NKIRAS1: variants seen among roughly 807,000 people sequenced by gnomAD.
NKIRAS1 encodes NFKB inhibitor interacting Ras like 1.
Under a neutral mutation model 19.8 loss-of-function variants are expected in NKIRAS1, and 16 were observed. The ratio of observed to expected loss-of-function variants is 0.81; its 90% CI spans 0.55 to 1.23. NKIRAS1 has a LOEUF of 1.23. Ranked by LOEUF, NKIRAS1 falls within the 50% of genes most tolerant of loss-of-function variation. NKIRAS1 has a pLI of 0.00. For synonymous variants in NKIRAS1, 88 were observed against 79.0 expected (o/e 1.11, Z -0.61); for missense variants, 184 against 220.0 (o/e 0.84, Z 1.04).
At chr3:23,945,665 GGC>G in intron 1 of NKIRAS1, 1 of 1,042,684 alleles carries the variant, frequency 9.6e-7, no homozygotes, top group Non-Finnish European at 1.2e-6. Context: ...CACTTTGGGG[GGC>G]GGCGGCAGGG....
At position 23,897,971 on chromosome 3, in the gene NKIRAS1, T is replaced by C. The variant is rs557171314; in HGVS notation, c.336+2837A>G. Among the ~76,000 whole-genome samples, 287 of 152,254 alleles carry C rather than the reference T, an allele frequency of 1.9e-3. 1 individual carries two copies. The highest frequency in any genetic ancestry group is 6.5e-3 in the African/African-American group (270 of 41,552). The stretch of plus-strand genomic sequence containing the variant: ...TACGATTATGGGGATTGAAGAAGCA[T>C]ATGAGGAAGTTACTATTATTCTCCT... On this transcript the variant is annotated intron_variant, in intron 4 of 4. Transcript: ENST00000425478.
chr3:23,901,565 T>A (rs986196392), intron 3 of NKIRAS1, among the ~76,000 whole-genome samples: 1 of 152,196 alleles, frequency 6.6e-6, no homozygotes, highest in Non-Finnish European at 1.5e-5. Context: ...AAAAATGCAT[T>A]TTACCACTTT....
intron 4 of NKIRAS1, among the ~76,000 whole-genome samples, chr3:23,894,464 T>C (rs1559500646): frequency 1.3e-5 from 2 of 152,114 alleles, no homozygotes; most frequent in African/African-American, 4.8e-5. Flanking sequence ...AATCACATAC[T>C]CTATCTCATC....
intron 1 of NKIRAS1, among the ~76,000 whole-genome samples, chr3:23,929,009 A>C (rs544922147): frequency 6.9e-6 from 1 of 145,652 alleles, no homozygotes. Context: ...TAAAAAAAAA[A>C]AAAAGAAAAG....
intron 3 of NKIRAS1, among the ~76,000 whole-genome samples, chr3:23,906,423 ACTATACTG>A (rs1364543525): frequency 6.6e-6 from 1 of 152,200 alleles, no homozygotes; most frequent in African/African-American, 2.4e-5. Flanking sequence ...ATCACAGTAT[ACTATACTG>A]CTCTGCTGAG....
chr3:23,920,765 AAAG>A, upstream of NKIRAS1: 1 of 971,244 alleles, frequency 1.0e-6, no homozygotes, highest in Non-Finnish European at 1.2e-6. Context: ...CTTCACAAAA[AAAG>A]AAAAGATCTT....
At chr3:23,919,267 C>T (rs151218632), upstream of NKIRAS1, 30 of 1,612,460 alleles carry the variant, frequency 1.9e-5, no homozygotes, top group African/African-American at 4.0e-4. Flanking sequence ...ATTCCACATA[C>T]AAATTTTTTG....
Position 23,927,816 on chromosome 3 carries a change from T to C in NKIRAS1, c.-139-16366A>G, listed in dbSNP as rs1481307547. ...ATCCAAGGCTGGGCATGGTGGCTCA[T>C]ACCTGTAATCCTAGAAATTTGGGAG... is the stretch of plus-strand genomic sequence containing the variant. On this transcript the variant is annotated intron_variant, in intron 1 of 4. Coordinates refer to the NKIRAS1 transcript ENST00000421515. This position sits in a 1 kb window ranked among gnomAD's most constrained non-coding sequence, Gnocchi z 4.0. 6.6e-6 allele frequency among the ~76,000 whole-genome samples: 1 copy of C among 152,024 alleles called. No homozygotes were observed. Among genetic ancestry groups the C allele is most frequent in the African/African-American group, 2.4e-5 (1 of 41,386 alleles).
intron 1 of NKIRAS1, among the ~76,000 whole-genome samples, chr3:23,928,072 C>A (rs1242913786): frequency 6.8e-6 from 1 of 147,052 alleles, no homozygotes; most frequent in Non-Finnish European, 1.5e-5. Context: ...AAACAAGACA[C>A]ACTCTCTCTC....
intron 1 of NKIRAS1, among the ~76,000 whole-genome samples, chr3:23,940,577 G>A (rs540404668): frequency 4.9e-4 from 75 of 152,030 alleles, no homozygotes; most frequent in Non-Finnish European, 9.4e-4. Flanking sequence ...TGTTTTCTAT[G>A]CACAGATGTA....
chr3:23,893,900 T>C (rs533508189), intron 4 of NKIRAS1, among the ~76,000 whole-genome samples: 6 of 151,266 alleles, frequency 4.0e-5, no homozygotes, highest in Middle Eastern at 3.4e-3. Flanking sequence ...ACTTGGGAAA[T>C]TGGCATCTAG....
At chr3:23,893,622 CA>C (rs2125346162) in intron 4 of NKIRAS1, among the ~76,000 whole-genome samples, 1 of 152,084 alleles carries the variant, frequency 6.6e-6, no homozygotes, top group African/African-American at 2.4e-5. Context: ...CCCTGGCCAA[CA>C]CGGTGAAACC....
At chr3:23,918,993 G>C (rs530973975), upstream of NKIRAS1, 4 of 596,614 alleles carry the variant, frequency 6.7e-6, no homozygotes, top group Non-Finnish European at 1.2e-5. Flanking sequence ...GGAATGATGT[G>C]TTTCAGTCTA....
At chr3:23,920,368 T>G, upstream of NKIRAS1, 1 of 985,490 alleles carries the variant, frequency 1.0e-6, no homozygotes, top group African/African-American at 1.7e-5. Context: ...ACAGAAAAAG[T>G]CACAAGCGCA....
intron 1 of NKIRAS1, among the ~76,000 whole-genome samples, chr3:23,914,017 G>C (rs1302852744): frequency 1.3e-5 from 2 of 152,182 alleles, no homozygotes; most frequent in Admixed American, 6.5e-5. Flanking sequence ...AATTCAATCT[G>C]TGACCTATTA....
intron 4 of NKIRAS1, among the ~76,000 whole-genome samples, chr3:23,895,927 G>T (rs1228533710): frequency 6.6e-6 from 1 of 152,030 alleles, no homozygotes; most frequent in Non-Finnish European, 1.5e-5. Context: ...GAGGTCAGGA[G>T]ATTGAGACCA....
intron 1 of NKIRAS1, among the ~76,000 whole-genome samples, chr3:23,941,991 AT>A (rs955806255): frequency 1.1e-3 from 96 of 83,796 alleles, no homozygotes; most frequent in African/African-American, 3.7e-3. Flanking sequence ...TTATTTATTT[AT>A]TTTTGAGACA....
In NKIRAS1 at chr3:23,890,661, TGATTTTG is replaced by T; in HGVS notation, c.*2427_*2433del. ...GTCTGTCACAGAAGAGAGCTGCTTA[TGATTTTG>T]AAGGGGTCAGGGAGGGTGGGAGTTG... On this transcript the variant is annotated 3_prime_UTR_variant, in exon 5 of 5. Transcript: ENST00000425478. 6.4e-7 allele frequency: 1 copy of T among 1,550,776 alleles called. No individual in the cohort carries two copies. Among genetic ancestry groups the T allele is most frequent in the Non-Finnish European group, 8.8e-7 (1 of 1,131,646 alleles).
intron 1 of NKIRAS1, among the ~76,000 whole-genome samples, chr3:23,931,152 T>C (rs2125266627): frequency 6.6e-6 from 1 of 152,342 alleles, no homozygotes; most frequent in East Asian, 1.9e-4. Context: ...TCTAATACCG[T>C]AAACAGTGTT....
Sources: gnomAD v4.1 joint callset for allele counts (sites outside exome capture counted in the v4.1 genomes callset) on GRCh38, gnomAD v4.1.1 for gene constraint, Gnocchi (gnomAD v3.1) non-coding constraint, MANE v1.5 for transcripts, NCBI Gene and HGNC (gene_info 2026-07-23, HGNC 2026-07-21) for gene names.